RAB3B: variants seen among roughly 807,000 people sequenced by gnomAD.
RAB3B encodes RAB3B, member RAS oncogene family.
Under a neutral mutation model 20.5 loss-of-function variants are expected in RAB3B, and 11 were observed. The observed-to-expected ratio is 0.54, with a 90% CI of 0.34 to 0.89. The LOEUF (loss-of-function observed/expected upper bound fraction) is 0.89, where lower values mean the gene tolerates loss of function less well. Among genes scored for constraint, RAB3B ranks in the 40% least tolerant of loss-of-function variants. The pLI, the probability that RAB3B is intolerant of heterozygous loss-of-function variation, is 0.02. For missense variants in RAB3B, 225 were observed against 280.9 expected, an observed-to-expected ratio of 0.80 and a Z score of 1.42; for synonymous variants, 99 against 106.3, an observed-to-expected ratio of 0.93 and a Z score of 0.42.
At chr1:51,943,940 C>T (rs1351375804) in intron 2 of RAB3B, among the ~76,000 whole-genome samples, 1 of 152,172 alleles carries the variant, frequency 6.6e-6, no homozygotes, top group Non-Finnish European at 1.5e-5. Flanking sequence ...AGAAGACCTG[C>T]TAAGATCATT....
At chr1:51,978,066 A>G (rs375037662) in intron 1 of RAB3B, among the ~76,000 whole-genome samples, 121 of 151,968 alleles carry the variant, frequency 8.0e-4, no homozygotes, top group African/African-American at 2.7e-3. Flanking sequence ...CTCCTAAAAG[A>G]CTCCTACCCA....
intron 2 of RAB3B, among the ~76,000 whole-genome samples, chr1:51,971,235 CAA>C (rs746898343): frequency 2.2e-5 from 3 of 137,970 alleles, no homozygotes; most frequent in Admixed American, 7.2e-5. Flanking sequence ...CTCACAAAAC[CAA>C]AAAAAAAAAA....
At chr1:51,958,638 A>G (rs910270506) in intron 2 of RAB3B, among the ~76,000 whole-genome samples, 4 of 152,000 alleles carry the variant, frequency 2.6e-5, no homozygotes, top group Admixed American at 6.6e-5. Flanking sequence ...CAGGAGAATC[A>G]CTTGAACCCG....
Position 51,915,310 on chromosome 1 carries a change from AT to A in RAB3B, c.*4616del, listed in dbSNP as rs1272204822. 2.0e-5 allele frequency: 3 copies of A among 152,150 alleles called. No individual in the cohort carries two copies. Among genetic ancestry groups the A allele is most frequent in the Non-Finnish European group, 4.4e-5 (3 of 68,022 alleles). 9.4% of individuals were successfully genotyped at this position (152,150 alleles called of 1,614,324 possible). A position where few individuals can be genotyped will look rare whatever the true frequency, so the allele number is the denominator to read the frequency against. ...ATGCTAGGCCCTAGTCGATAGTCAAATAGCTAAGTGTCTTCTTAGAGGTGAT... is the reference window on the plus strand; with the variant it reads ...ATGCTAGGCCCTAGTCGATAGTCAAAAGCTAAGTGTCTTCTTAGAGGTGAT... On this transcript the variant is annotated 3_prime_UTR_variant, in exon 5 of 5. Coordinates refer to ENST00000371655, the MANE Select transcript of RAB3B (RefSeq NM_002867.4).
At position 51,916,383 on chromosome 1, in the gene RAB3B, A is replaced by G. The variant is rs1431821695; in HGVS notation, c.*3544T>C. 6.6e-6 allele frequency: 1 copy of G among 152,242 alleles called. No homozygotes were observed. The highest frequency in any genetic ancestry group is 1.5e-5 in the Non-Finnish European group (1 of 68,048). The allele number at this position is 152,242 out of a possible 1,614,324, so 9.4% of individuals were successfully genotyped here. A position where few individuals can be genotyped will look rare whatever the true frequency, so the allele number is the denominator to read the frequency against. On this transcript the variant is annotated 3_prime_UTR_variant, in exon 5 of 5. Transcript: ENST00000371655. Reference sequence around the variant, plus strand: ...TGCCTGGATATTCAGTAGGAGAGAAAAGATTATTGGATATAGATACTAAAA... The same window carrying G: ...TGCCTGGATATTCAGTAGGAGAGAAGAGATTATTGGATATAGATACTAAAA...
At position 51,919,638 on chromosome 1, in the gene RAB3B, G is replaced by C. The variant is rs1231180636; in HGVS notation, c.*289C>G. On this transcript the variant is annotated 3_prime_UTR_variant, in exon 5 of 5. Transcript: ENST00000371655. ...TCATTTTAAAGGCAGAAAAGAGACT[G>C]TTCTCTAAGTCCCTGTAGTGAATCC... 1 of 297,768 alleles carries C rather than the reference G, an allele frequency of 3.4e-6. No individual in the cohort carries two copies. The highest frequency in any genetic ancestry group is 2.1e-5 in the African/African-American group (1 of 46,748). The allele number at this position is 297,768 out of a possible 1,614,324, so 18.4% of individuals were successfully genotyped here.
intron 1 of RAB3B, among the ~76,000 whole-genome samples, chr1:51,986,702 T>A (rs1685156150): frequency 6.6e-6 from 1 of 152,198 alleles, no homozygotes; most frequent in African/African-American, 2.4e-5. Flanking sequence ...TGTTAACATC[T>A]GCTTATGCAC....
rs371196270 is a variant in RAB3B at position 51,935,978 on chromosome 1, C to T, written c.347+1316G>A. On this transcript the variant is annotated intron_variant, in intron 3 of 4. Transcript: ENST00000371655. ...AACTGCTGGTCAGAACAGGGGAGTG[C>T]AGCAGGCAGCCCACAAGGTCACTCT... is the stretch of plus-strand genomic sequence containing the variant. 5.3e-5 allele frequency among the ~76,000 whole-genome samples: 8 copies of T among 152,140 alleles called. No individual in the cohort carries two copies. In the East Asian group the frequency reaches 1.2e-3, roughly 22 times the overall value.
intron 2 of RAB3B, among the ~76,000 whole-genome samples, chr1:51,950,888 A>G (rs1336590824): frequency 6.6e-6 from 1 of 152,210 alleles, no homozygotes; most frequent in Non-Finnish European, 1.5e-5. Context: ...GAGCTGAGAC[A>G]TTATGTCCCA....
intron 4 of RAB3B, among the ~76,000 whole-genome samples, chr1:51,927,320 T>C (rs1016119429): frequency 2.2e-4 from 33 of 152,218 alleles, no homozygotes; most frequent in Non-Finnish European, 1.5e-5. Context: ...CCAAACTGCA[T>C]GTTTTACAGA....
intron 2 of RAB3B, among the ~76,000 whole-genome samples, chr1:51,972,759 C>T (rs745376521): frequency 6.6e-6 from 1 of 152,144 alleles, no homozygotes; most frequent in Non-Finnish European, 1.5e-5. Context: ...CTACTGGCAC[C>T]TTGATCTTAG....
In RAB3B at chr1:51,916,460, G is replaced by A. The variant is rs1328519126; in HGVS notation, c.*3467C>T. 2 of 152,218 alleles carry A rather than the reference G, an allele frequency of 1.3e-5. No individual in the cohort carries two copies. The highest frequency in any genetic ancestry group is 4.8e-5 in the African/African-American group (2 of 41,456). 9.4% of individuals were successfully genotyped at this position (152,218 alleles called of 1,614,324 possible). On this transcript the variant is annotated 3_prime_UTR_variant, in exon 5 of 5. Transcript: ENST00000371655. Reference sequence around the variant, plus strand: ...CTGAAATCCTAGTACTAGAGTAGGTGAGTGTTAATGACCAGAAAAAAATAG... The same window carrying A: ...CTGAAATCCTAGTACTAGAGTAGGTAAGTGTTAATGACCAGAAAAAAATAG...
rs1405425434 is a variant in RAB3B at position 51,916,664 on chromosome 1, T to C, written c.*3263A>G. On this transcript the variant is annotated 3_prime_UTR_variant, in exon 5 of 5. Transcript: ENST00000371655. ...AGTGGAGCATGGAGGCTCCTGCTGA[T>C]TGGGAGCCTGATAAGTGTTGCCTGG... The C allele has an allele frequency of 5.9e-5, 9 of 152,308 alleles. No homozygotes were observed. The highest frequency in any genetic ancestry group is 4.1e-4 in the South Asian group (2 of 4,830). The allele number at this position is 152,308 out of a possible 1,614,324, so 9.4% of individuals were successfully genotyped here.
intron 1 of RAB3B, among the ~76,000 whole-genome samples, chr1:51,988,726 G>A (rs1011041441): frequency 2.0e-5 from 3 of 152,052 alleles, no homozygotes; most frequent in Non-Finnish European, 4.4e-5. Flanking sequence ...TATACTTTAG[G>A]GAGATGGAGA....
At chr1:51,962,582 ATGTCTCCAAAGCCATCCC>A (rs1684798651) in intron 2 of RAB3B, among the ~76,000 whole-genome samples, 1 of 152,188 alleles carries the variant, frequency 6.6e-6, no homozygotes, top group South Asian at 2.1e-4. Context: ...CAAGAAGCCC[ATGTCTCCAAAGCCATCCC>A]TGATCACTGG....
intron 2 of RAB3B, among the ~76,000 whole-genome samples, chr1:51,949,782 G>C (rs1684612533): frequency 6.6e-6 from 1 of 152,210 alleles, no homozygotes; most frequent in Non-Finnish European, 1.5e-5. Context: ...CTCCGGGACT[G>C]GCTTGGCCCC....
chr1:51,946,010 A>G (rs1167054300), intron 2 of RAB3B, among the ~76,000 whole-genome samples: 1 of 152,234 alleles, frequency 6.6e-6, no homozygotes, highest in African/African-American at 2.4e-5. Flanking sequence ...TGTCTGGCTT[A>G]TAATAGGTAT....
Position 51,919,920 on chromosome 1 carries a change from G to T in RAB3B, c.*7C>A. 1 of 1,608,980 alleles carries T rather than the reference G, an allele frequency of 6.2e-7. No homozygotes were observed. The highest frequency in any genetic ancestry group is 1.7e-5 in the Admixed American group (1 of 59,746). Reference sequence around the variant, plus strand: ...CAATGAGGGGAGGTCAGGAAGGTGGGCCTTGCCTAGCATGAGCAGTTCTGC... The same window carrying T: ...CAATGAGGGGAGGTCAGGAAGGTGGTCCTTGCCTAGCATGAGCAGTTCTGC... On this transcript the variant is annotated 3_prime_UTR_variant, in exon 5 of 5. Transcript: ENST00000371655.
intron 1 of RAB3B, among the ~76,000 whole-genome samples, chr1:51,984,553 C>G (rs1007123028): frequency 1.3e-5 from 2 of 151,688 alleles, no homozygotes; most frequent in Admixed American, 1.3e-4. Flanking sequence ...ATCACACCGG[C>G]TAATTTTTGT....
Sources: gnomAD v4.1 joint callset for allele counts (sites outside exome capture counted in the v4.1 genomes callset) on GRCh38, gnomAD v4.1.1 for gene constraint, MANE v1.5 for transcripts, NCBI Gene and HGNC (gene_info 2026-07-23, HGNC 2026-07-21) for gene names.